UBE2V2: variants seen among roughly 807,000 people sequenced by gnomAD.
UBE2V2 encodes ubiquitin conjugating enzyme E2 V2, also known as ubiquitin-conjugating enzyme E2 variant 2.
A neutral mutation model predicts 17.2 loss-of-function variants in UBE2V2; 9 were observed. That is an observed-to-expected ratio of 0.52 (90% CI 0.32 to 0.91). UBE2V2 has a LOEUF of 0.91. UBE2V2 is among the 40% of genes least tolerant of loss of function. The probability of loss-of-function intolerance (pLI) is 0.04; values close to 1 mark genes in which losing one functional copy is unlikely to be tolerated. For synonymous variants in UBE2V2, 61 were observed against 57.5 expected, an observed-to-expected ratio of 1.06 and a Z score of -0.28; for missense variants, 133 against 182.6, an observed-to-expected ratio of 0.73 and a Z score of 1.56.
At chr8:47,997,984 T>C in the UBE2V2 span, among the ~76,000 whole-genome samples, 1 of 151,644 alleles carries the variant, frequency 6.6e-6, no homozygotes, top group African/African-American at 2.4e-5. Flanking sequence ...GCGAGGATAA[T>C]TTGAAAAGTA....
intron 2 of UBE2V2, among the ~76,000 whole-genome samples, chr8:48,046,243 C>G (rs1261088554): frequency 6.6e-6 from 1 of 152,128 alleles, no homozygotes; most frequent in Non-Finnish European, 1.5e-5. Flanking sequence ...CCTTAGCCTC[C>G]CGAGTAGTGG....
the UBE2V2 span, among the ~76,000 whole-genome samples, chr8:47,998,161 T>C: frequency 6.6e-6 from 1 of 151,964 alleles, no homozygotes; most frequent in East Asian, 1.9e-4. Context: ...GTCTAATTTG[T>C]ATTGAGGTCA....
At chr8:48,054,610 T>C (rs1442640580) in intron 3 of UBE2V2, among the ~76,000 whole-genome samples, 1 of 152,224 alleles carries the variant, frequency 6.6e-6, no homozygotes, top group Non-Finnish European at 1.5e-5. Context: ...ACATTGGTGA[T>C]TGTGCCAGGA....
chr8:48,030,048 T>A (rs1379920725), intron 1 of UBE2V2, among the ~76,000 whole-genome samples: 2 of 152,218 alleles, frequency 1.3e-5, no homozygotes, highest in Non-Finnish European at 2.9e-5. Flanking sequence ...TCTCCCTTGA[T>A]AGTTCTGCAA....
intron 1 of UBE2V2, 99 bp downstream of exon 1, chr8:48,008,569 C>T: frequency 1.4e-6 from 2 of 1,462,734 alleles, no homozygotes; most frequent in Non-Finnish European, 1.8e-6. Flanking sequence ...GGGAGAAGCC[C>T]GAGTGCGCTG....
intron 1 of UBE2V2, among the ~76,000 whole-genome samples, chr8:48,036,258 T>TA (rs955336678): frequency 6.1e-5 from 9 of 147,458 alleles, no homozygotes; most frequent in African/African-American, 9.9e-5. Flanking sequence ...CCTGGCCAAT[T>TA]AAAAAAAAAA....
upstream of UBE2V2, among the ~76,000 whole-genome samples, chr8:48,005,883 G>T (rs1266165342): frequency 1.3e-5 from 2 of 152,080 alleles, no homozygotes; most frequent in African/African-American, 4.8e-5. Context: ...TTGTAAATCT[G>T]TTTAAGTTCT....
At chr8:48,051,118 A>C (rs983143964) in intron 3 of UBE2V2, among the ~76,000 whole-genome samples, 1 of 152,200 alleles carries the variant, frequency 6.6e-6, no homozygotes, top group African/African-American at 2.4e-5. Flanking sequence ...AAGTGCTGGG[A>C]TTACAGGCGT....
At chr8:48,041,852 G>A (rs2091466254) in intron 1 of UBE2V2, 2 of 151,582 alleles carry the variant, frequency 1.3e-5, no homozygotes, top group African/African-American at 4.8e-5. Context: ...GGTGTGCAAT[G>A]GTGTGATCTT....
At chr8:48,051,666 A>G (rs1362738807) in intron 3 of UBE2V2, among the ~76,000 whole-genome samples, 1 of 152,072 alleles carries the variant, frequency 6.6e-6, no homozygotes, top group Non-Finnish European at 1.5e-5. Flanking sequence ...TCCCCTTCAT[A>G]TAACTGTACT....
At chr8:48,013,607 C>T (rs1263229385) in intron 1 of UBE2V2, among the ~76,000 whole-genome samples, 1 of 152,176 alleles carries the variant, frequency 6.6e-6, no homozygotes, top group Non-Finnish European at 1.5e-5. Context: ...CCGCGCCCGG[C>T]CCACATGAAA....
At chr8:48,059,930 G>C (rs1295069139) in intron 3 of UBE2V2, among the ~76,000 whole-genome samples, 1 of 152,044 alleles carries the variant, frequency 6.6e-6, no homozygotes, top group African/African-American at 2.4e-5. Context: ...TTTGGGTCGG[G>C]TGCCGTGGTT....
At position 48,043,393 on chromosome 8, in the gene UBE2V2, A is replaced by G; in HGVS notation, c.165+212A>G. 3 of 371,148 alleles carry G rather than the reference A, an allele frequency of 8.1e-6. No homozygotes were observed. In the Admixed American group the frequency reaches 1.4e-4, roughly 17 times the overall value. 23.0% of individuals were successfully genotyped at this position (371,148 alleles called of 1,614,324 possible). A position where few individuals can be genotyped will look rare whatever the true frequency, so the allele number is the denominator to read the frequency against. On this transcript the variant is annotated intron_variant, in intron 2 of 3. Coordinates refer to ENST00000523111, the MANE Select transcript of UBE2V2 (RefSeq NM_003350.3). ...GAGGAAGGTTGATATGGTCATTGCCATCAAAGTTTTGCAGTTTAGTAAGGG... is the reference window on the plus strand; with the variant it reads ...GAGGAAGGTTGATATGGTCATTGCCGTCAAAGTTTTGCAGTTTAGTAAGGG...
upstream of UBE2V2, among the ~76,000 whole-genome samples, chr8:48,008,083 G>A (rs1451025195): frequency 2.0e-5 from 3 of 151,960 alleles, no homozygotes; most frequent in African/African-American, 7.3e-5. Flanking sequence ...CACCACGTCC[G>A]GCTAATTTTT....
chr8:48,029,242 T>C (rs1589855791), intron 1 of UBE2V2, among the ~76,000 whole-genome samples: 1 of 152,166 alleles, frequency 6.6e-6, no homozygotes, highest in African/African-American at 2.4e-5. Flanking sequence ...GGCAGGAGGA[T>C]CACTTGTGCC....
At chr8:48,021,410 C>T (rs1222693655) in intron 1 of UBE2V2, among the ~76,000 whole-genome samples, 1 of 150,136 alleles carries the variant, frequency 6.7e-6, no homozygotes, top group East Asian at 2.0e-4. Flanking sequence ...AGGTTCATGC[C>T]ATTCTCCTGC....
intron 3 of UBE2V2, among the ~76,000 whole-genome samples, chr8:48,059,613 A>G (rs1012534877): frequency 6.6e-5 from 10 of 151,328 alleles, no homozygotes; most frequent in African/African-American, 1.9e-4. Flanking sequence ...TTCACTATCT[A>G]TGTTGGCCAT....
intron 1 of UBE2V2, among the ~76,000 whole-genome samples, chr8:48,039,158 G>A (rs75679630): frequency 0.029 from 4,412 of 151,894 alleles, 219 homozygotes; most frequent in African/African-American, 0.099. Context: ...CCTTGGCCTC[G>A]TAAAGTGTTG....
chr8:48,021,277 C>T (rs558773729), intron 1 of UBE2V2, among the ~76,000 whole-genome samples: 2 of 146,142 alleles, frequency 1.4e-5, no homozygotes, highest in African/African-American at 5.1e-5. Flanking sequence ...CAGGGTTTCA[C>T]TGTGTTGGCT....
Sources: allele counts gnomAD v4.1 joint callset (sites outside exome capture counted in the v4.1 genomes callset), GRCh38; gene constraint gnomAD v4.1.1; transcripts MANE v1.5; gene names NCBI Gene and HGNC (gene_info 2026-07-23, HGNC 2026-07-21).